Variants in TENM3 observed in about 807,000 individuals in gnomAD.
TENM3 encodes teneurin-3.
TENM3 carries 63 observed loss-of-function variants against 255.1 expected under a neutral mutation model. That is an observed-to-expected ratio of 0.25 (90% confidence interval 0.20 to 0.30). TENM3 has a LOEUF of 0.30. Among genes scored for constraint, TENM3 ranks in the 10% least tolerant of loss-of-function variants. TENM3 has a pLI of 1.00. For synonymous variants in TENM3, 1,306 were observed against 1,322.3 expected, an observed-to-expected ratio of 0.99 and a Z score of 0.27; for missense variants, 2,929 against 3,461.1, an observed-to-expected ratio of 0.85 and a Z score of 3.86.
chr4:181,769,455 A>ATAATGGC, the TENM3 span, among the ~76,000 whole-genome samples: 1 of 152,244 alleles, frequency 6.6e-6, no homozygotes, highest in Non-Finnish European at 1.5e-5. Context: ...AGTGGATATA[A>ATAATGGC]TAATGGCTCC....
chr4:181,917,309 G>A, the TENM3 span, among the ~76,000 whole-genome samples: 7 of 152,166 alleles, frequency 4.6e-5, no homozygotes, highest in African/African-American at 1.7e-4. Context: ...AAAAGGGATC[G>A]ATAGAAACAG....
chr4:181,841,564 G>A, the TENM3 span, among the ~76,000 whole-genome samples: 4 of 152,026 alleles, frequency 2.6e-5, no homozygotes, highest in East Asian at 3.9e-4. Context: ...TTGTTTTCTG[G>A]CACTTACGTG....
the TENM3 span, among the ~76,000 whole-genome samples, chr4:181,616,648 T>A: frequency 3.3e-5 from 5 of 152,086 alleles, no homozygotes; most frequent in Non-Finnish European, 5.9e-5. Context: ...GGGCATCCAG[T>A]GATGTAACTC....
chr4:181,726,231 C>T, the TENM3 span, among the ~76,000 whole-genome samples: 2 of 151,706 alleles, frequency 1.3e-5, no homozygotes, highest in East Asian at 3.9e-4. Context: ...AATTTTTAAC[C>T]ACCTACTATA....
intron 22 of TENM3, among the ~76,000 whole-genome samples, chr4:182,760,606 G>C (rs558040121): frequency 1.3e-5 from 2 of 152,286 alleles, no homozygotes; most frequent in East Asian, 3.9e-4. Context: ...AGCTGACTCT[G>C]TGATCTTTTG....
At position 182,773,667 on chromosome 4, in the gene TENM3, T is replaced by C. The variant is rs770431064; in HGVS notation, c.5068+20T>C. On this transcript the variant is annotated intron_variant, in intron 23 of 27. Transcript: ENST00000511685. ...TTCAAGGTAAACACGAAAGCATCAT[T>C]TTAAACAAGTACCACCAGCACCCAG... 5.5e-5 allele frequency: 88 copies of C among 1,600,826 alleles called. No homozygotes were observed. Among genetic ancestry groups the C allele is most frequent in the Non-Finnish European group, 6.9e-5 (81 of 1,171,382 alleles).
At chr4:182,061,710 G>A in the TENM3 span, among the ~76,000 whole-genome samples, 13 of 152,262 alleles carry the variant, frequency 8.5e-5, no homozygotes, top group African/African-American at 3.1e-4. Flanking sequence ...CGTAATCCCA[G>A]CACTTTGGGA....
intron 1 of TENM3, among the ~76,000 whole-genome samples, chr4:182,243,706 G>T (rs1424604628): frequency 2.0e-5 from 3 of 152,180 alleles, no homozygotes; most frequent in Non-Finnish European, 4.4e-5. Flanking sequence ...TGCTTGAAAT[G>T]AACACACCAA....
At chr4:181,870,135 A>G in the TENM3 span, among the ~76,000 whole-genome samples, 2 of 152,048 alleles carry the variant, frequency 1.3e-5, no homozygotes, top group Admixed American at 1.3e-4. Flanking sequence ...TCAGTTCCAT[A>G]CCTGTTGTTG....
At chr4:182,768,431 C>T (rs1763901993) in intron 22 of TENM3, among the ~76,000 whole-genome samples, 1 of 152,098 alleles carries the variant, frequency 6.6e-6, no homozygotes, top group African/African-American at 2.4e-5. Context: ...TGAGCATCTA[C>T]TGAAGATGTT....
chr4:182,606,693 C>T (rs1174837583), intron 4 of TENM3, among the ~76,000 whole-genome samples: 1 of 152,064 alleles, frequency 6.6e-6, no homozygotes, highest in Non-Finnish European at 1.5e-5. Flanking sequence ...GATAAAGTTT[C>T]AAAGATGGTT....
the TENM3 span, among the ~76,000 whole-genome samples, chr4:181,896,159 A>G: frequency 1.8e-4 from 27 of 152,314 alleles, no homozygotes; most frequent in East Asian, 5.0e-3. Context: ...GGAAGAGAGC[A>G]GGCCCTGGGC....
At chr4:182,191,615 C>A (rs1043471055) in intron 1 of TENM3, among the ~76,000 whole-genome samples, 2 of 152,064 alleles carry the variant, frequency 1.3e-5, no homozygotes, top group Non-Finnish European at 2.9e-5. Context: ...AGGAGCACTG[C>A]CTACTGGTTT....
At chr4:181,534,472 C>G in the TENM3 span, among the ~76,000 whole-genome samples, 777 of 103,502 alleles carry the variant, frequency 7.5e-3, 5 homozygotes, top group African/African-American at 0.032. Flanking sequence ...GTCTTCCCCC[C>G]CCCCACAGAA....
chr4:182,456,588 G>A (rs1419928158), intron 3 of TENM3, among the ~76,000 whole-genome samples: 1 of 152,164 alleles, frequency 6.6e-6, no homozygotes, highest in Non-Finnish European at 1.5e-5. Context: ...AACTTGAAAT[G>A]TATATACATT....
intron 3 of TENM3, among the ~76,000 whole-genome samples, chr4:182,582,664 A>T (rs1479370866): frequency 6.6e-6 from 1 of 152,106 alleles, no homozygotes; most frequent in Non-Finnish European, 1.5e-5. Flanking sequence ...TTTTTAAAAA[A>T]GTAGCAAACA....
intron 3 of TENM3, among the ~76,000 whole-genome samples, chr4:182,360,364 T>A (rs1310592016): frequency 1.5e-5 from 2 of 132,648 alleles, no homozygotes; most frequent in Non-Finnish European, 3.2e-5. Flanking sequence ...CTAAGTCTCT[T>A]TGTAGGTCAC....
intron 1 of TENM3, among the ~76,000 whole-genome samples, chr4:182,308,800 A>C (rs2150405238): frequency 6.6e-6 from 1 of 152,352 alleles, no homozygotes; most frequent in East Asian, 1.9e-4. Flanking sequence ...GTGTGTAACT[A>C]AACTTGAGAA....
intron 3 of TENM3, among the ~76,000 whole-genome samples, chr4:182,417,141 T>A (rs1770440946): frequency 6.6e-6 from 1 of 150,834 alleles, no homozygotes; most frequent in Non-Finnish European, 1.5e-5. Flanking sequence ...GCCCAGCTAA[T>A]TTTTTTTTGT....
Sources: gnomAD v4.1 joint callset for allele counts (sites outside exome capture counted in the v4.1 genomes callset) on GRCh38, gnomAD v4.1.1 for gene constraint, MANE v1.5 for transcripts, NCBI Gene and HGNC (gene_info 2026-07-23, HGNC 2026-07-21) for gene names.